The following PIK3C2G variants were observed in gnomAD, a reference collection of about 807,000 sequenced individuals.
PIK3C2G encodes phosphatidylinositol-4-phosphate 3-kinase catalytic subunit type 2 gamma.
Under a neutral mutation model 181.1 loss-of-function variants are expected in PIK3C2G, and 168 were observed. The ratio of observed to expected loss-of-function variants is 0.93; its 90% CI spans 0.82 to 1.05. The LOEUF (loss-of-function observed/expected upper bound fraction) is 1.05, where lower values mean the gene tolerates loss of function less well. Among genes scored for constraint, PIK3C2G ranks in the 50% least tolerant of loss-of-function variants. The pLI is 0.00. For missense variants in PIK3C2G, 1,869 were observed against 1,732.8 expected (o/e 1.08, Z -1.40); for synonymous variants, 573 against 592.2 (o/e 0.97, Z 0.47).
intron 6 of PIK3C2G, among the ~76,000 whole-genome samples, chr12:18,315,892 C>CGTGTGTGTGTGT (rs59803351): frequency 1.2e-4 from 18 of 147,574 alleles, no homozygotes; most frequent in African/African-American, 4.2e-4. Context: ...CATGCATCCA[C>CGTGTGTGTGTGT]GTGTGTGTGT....
intron 5 of PIK3C2G, among the ~76,000 whole-genome samples, chr12:18,309,229 A>T (rs1340191452): frequency 5.3e-5 from 8 of 151,836 alleles, no homozygotes; most frequent in Non-Finnish European, 1.2e-4. Context: ...GCAAGATTTG[A>T]AGCATCATGG....
downstream of PIK3C2G, among the ~76,000 whole-genome samples, chr12:18,648,912 T>A (rs1177194767): frequency 6.6e-6 from 1 of 152,058 alleles, no homozygotes; most frequent in Non-Finnish European, 1.5e-5. Context: ...AAAATTTAAA[T>A]CCCTGCTTAT....
At chr12:18,375,915 C>A (rs2137915680) in intron 13 of PIK3C2G, among the ~76,000 whole-genome samples, 1 of 152,312 alleles carries the variant, frequency 6.6e-6, no homozygotes, top group East Asian at 1.9e-4. Context: ...GCAGCTTCCA[C>A]AAGGTGTTAA....
At chr12:18,668,165 A>G in the PIK3C2G span, among the ~76,000 whole-genome samples, 1 of 152,166 alleles carries the variant, frequency 6.6e-6, no homozygotes, top group Non-Finnish European at 1.5e-5. Flanking sequence ...CAGGTAGTGA[A>G]ATTTAAAAAG....
At chr12:18,696,501 G>T in the PIK3C2G span, among the ~76,000 whole-genome samples, 67,434 of 150,290 alleles carry the variant, frequency 0.45, 16,009 homozygotes, top group African/African-American at 0.61. Flanking sequence ...ATCATAAAAT[G>T]TATGTACACT....
At chr12:18,712,804 G>C in the PIK3C2G span, 3 of 1,604,496 alleles carry the variant, frequency 1.9e-6, no homozygotes, top group Admixed American at 3.3e-5. Context: ...AATTGCTTCT[G>C]TTTAAATAGC....
At chr12:18,338,361 A>C in intron 8 of PIK3C2G, 65 bp from the exon 9 acceptor site, 1 of 1,226,782 alleles carries the variant, frequency 8.2e-7, no homozygotes, top group South Asian at 1.5e-5. Flanking sequence ...AAGAAGTTTG[A>C]GGATAAATTA....
chr12:18,248,714 CT>C (rs1001183094), intron 1 of PIK3C2G, among the ~76,000 whole-genome samples: 3 of 152,126 alleles, frequency 2.0e-5, no homozygotes, highest in African/African-American at 7.2e-5. Flanking sequence ...ATGAACAACA[CT>C]TTTGGGTATG....
At chr12:18,446,324 T>C (rs997213705) in intron 18 of PIK3C2G, among the ~76,000 whole-genome samples, 3 of 152,126 alleles carry the variant, frequency 2.0e-5, no homozygotes, top group Non-Finnish European at 4.4e-5. Flanking sequence ...CCCTGGCTTT[T>C]GGTTGGATAA....
Position 18,552,887 on chromosome 12 carries a change from C to A in PIK3C2G, c.3590+6455C>A, listed in dbSNP as rs913094585. ...TGCCTAAATTCCAAGTCAGGATACA[C>A]CTTAGCTATTAAGCTTTGAAAAAAG... On this transcript the variant is annotated intron_variant, in intron 26 of 32. Coordinates refer to ENST00000538779, the MANE Select transcript of PIK3C2G (RefSeq NM_001288772.2). Among the ~76,000 whole-genome samples the A allele has an allele frequency of 3.3e-5, 5 of 152,056 alleles. No individual in the cohort carries two copies. The East Asian group carries it at 9.7e-4, about 29-fold the overall frequency.
intron 16 of PIK3C2G, among the ~76,000 whole-genome samples, chr12:18,418,218 C>T (rs1945288591): frequency 2.0e-5 from 3 of 152,096 alleles, no homozygotes; most frequent in Admixed American, 2.0e-4. Flanking sequence ...GGGAGTCAAC[C>T]AGTCAATATC....
chr12:18,411,848 A>G (rs1263191884), intron 16 of PIK3C2G, among the ~76,000 whole-genome samples: 1 of 152,106 alleles, frequency 6.6e-6, no homozygotes, highest in Non-Finnish European at 1.5e-5. Context: ...GTTACATCGC[A>G]TTTGGCTTTC....
rs76459205 is a variant in PIK3C2G at position 18,249,475 on chromosome 12, T to C, written c.-79+1393T>C. ...AGTATTTTCCTTTTCATCCTACTCA[T>C]GGTCCTCCTAGGCCCTGGTTAATCC... On this transcript the variant is annotated intron_variant, in intron 1 of 11. Coordinates refer to the PIK3C2G transcript ENST00000535651. 1.5e-3 allele frequency among the ~76,000 whole-genome samples: 226 copies of C among 152,310 alleles called. 4 individuals are homozygous for C. In the East Asian group the frequency reaches 0.036, roughly 24 times the overall value.
chr12:18,466,830 A>T (rs1159589616), intron 18 of PIK3C2G, among the ~76,000 whole-genome samples: 1 of 152,040 alleles, frequency 6.6e-6, no homozygotes, highest in Non-Finnish European at 1.5e-5. Context: ...TCTAACCTTC[A>T]TCTGTTGCTA....
At chr12:18,323,613 C>T (rs1224100338) in intron 7 of PIK3C2G, among the ~76,000 whole-genome samples, 11 of 151,236 alleles carry the variant, frequency 7.3e-5, no homozygotes, top group Middle Eastern at 3.2e-3. Context: ...CTCAGAACAC[C>T]GTATTGGATC....
intron 18 of PIK3C2G, among the ~76,000 whole-genome samples, chr12:18,449,367 G>T (rs1220452317): frequency 6.6e-6 from 1 of 152,094 alleles, no homozygotes; most frequent in African/African-American, 2.4e-5. Context: ...CATGTGCCAT[G>T]GTAGTTTGCT....
At chr12:18,314,092 T>C (rs549724301) in intron 6 of PIK3C2G, 28 bp downstream of exon 6, 4 of 1,173,228 alleles carry the variant, frequency 3.4e-6, no homozygotes, top group East Asian at 2.5e-5. Flanking sequence ...TTGGTTTCAA[T>C]TGGCAAACTG....
At chr12:18,643,318 A>T (rs1027680007) in intron 32 of PIK3C2G, among the ~76,000 whole-genome samples, 1 of 152,078 alleles carries the variant, frequency 6.6e-6, no homozygotes, top group Non-Finnish European at 1.5e-5. Context: ...GACACTTTAT[A>T]CTTTGGACAC....
At chr12:18,517,701 C>T (rs57796356) in intron 24 of PIK3C2G, among the ~76,000 whole-genome samples, 3,512 of 152,196 alleles carry the variant, frequency 0.023, 134 homozygotes, top group African/African-American at 0.079. Flanking sequence ...GACTTCCTCT[C>T]TTCCTATTTG....
Sources: gnomAD v4.1 joint callset for allele counts (sites outside exome capture counted in the v4.1 genomes callset) on GRCh38, gnomAD v4.1.1 for gene constraint, MANE v1.5 for transcripts, NCBI Gene and HGNC (gene_info 2026-07-23, HGNC 2026-07-21) for gene names.